MRC1: variants seen among roughly 807,000 people sequenced by gnomAD.
MRC1 encodes the protein mannose receptor C-type 1.
A neutral mutation model predicts 102.9 loss-of-function variants in MRC1; 62 were observed. That is an observed-to-expected ratio of 0.60 (90% CI 0.49 to 0.74). The LOEUF (loss-of-function observed/expected upper bound fraction) is 0.74, where lower values mean the gene tolerates loss of function less well. Ranked by LOEUF, MRC1 falls within the 30% of genes least tolerant of loss-of-function variation. The probability of loss-of-function intolerance (pLI) is 0.00; values close to 1 mark genes in which losing one functional copy is unlikely to be tolerated. For synonymous variants in MRC1, 457 were observed against 298.4 expected (o/e 1.53, Z -5.48); for missense variants, 1,237 against 862.8 (o/e 1.43, Z -5.43).
intron 3 of MRC1, among the ~76,000 whole-genome samples, chr10:17,828,040 A>C (rs1300057488): frequency 6.6e-6 from 1 of 152,092 alleles, no homozygotes; most frequent in Non-Finnish European, 1.5e-5. Flanking sequence ...CTGTACCCCC[A>C]TGGTCCCAAC....
chr10:17,858,010 C>A (rs1833120883), intron 9 of MRC1, among the ~76,000 whole-genome samples: 1 of 151,978 alleles, frequency 6.6e-6, no homozygotes, highest in African/African-American at 2.4e-5. Context: ...AGACTGAAAC[C>A]CCAAATTATA....
chr10:17,894,220 T>C lies in MRC1; in HGVS notation c.3158T>C (p.Val1053Ala), dbSNP rs1554843299. The C allele has an allele frequency of 1.1e-6, 1 of 872,574 alleles. No individual in the cohort carries two copies. The highest frequency in any genetic ancestry group is 2.0e-6 in the Non-Finnish European group (1 of 501,462). The allele number at this position is 872,574 out of a possible 1,614,324, so 54.1% of individuals were successfully genotyped here. ...TCCATAAATATACAGGCTGACTGTG[T>C]TGTTATTATTGGAGGTGCATCAAAT... is the stretch of plus-strand genomic sequence containing the variant. ...SSLSYEDADC[V>A]VIIGGASNEA... The change falls in exon 23 of 30, where the codon GTT becomes GCT. Residue 1053 changes from valine to alanine, a missense_variant. Physicochemically the swap from Val to Ala is moderately conservative, Grantham distance 64 (BLOSUM62 0). Coordinates refer to ENST00000569591, the MANE Select transcript of MRC1 (RefSeq NM_002438.4).
intron 1 of MRC1, among the ~76,000 whole-genome samples, chr10:17,815,285 T>A (rs1838293548): frequency 6.6e-6 from 1 of 152,152 alleles, no homozygotes; most frequent in East Asian, 1.9e-4. Context: ...AGCCAAATCC[T>A]AGAGCTCTGA....
Position 17,894,401 on chromosome 10 carries a change from T to TTTG in MRC1, c.3250+91_3250+92insGTT, listed in dbSNP as rs1833725062. ...TTCTTTCTTTCTTTCTTTCTTTTTTTTTTTTTTTTTTTTTTTGAGGCAGAG... is the reference window on the plus strand; with the variant it reads ...TTCTTTCTTTCTTTCTTTCTTTTTTTTTGTTTTTTTTTTTTTTTTGAGGCAGAG... On this transcript the variant is annotated intron_variant, in intron 23 of 29. Coordinates refer to ENST00000569591, the MANE Select transcript of MRC1 (RefSeq NM_002438.4). 1.3e-5 allele frequency: 9 copies of TTTG among 677,562 alleles called. No individual in the cohort carries two copies. The African/African-American group carries it at 1.6e-4, about 12-fold the overall frequency. The allele number at this position is 677,562 out of a possible 1,614,324, so 42.0% of individuals were successfully genotyped here.
intron 3 of MRC1, among the ~76,000 whole-genome samples, chr10:17,830,739 A>G (rs896719682): frequency 6.6e-6 from 1 of 151,434 alleles, no homozygotes; most frequent in African/African-American, 2.5e-5. Context: ...TAATTGAGAA[A>G]TATGTTTAAA....
At position 17,872,139 on chromosome 10, in the gene MRC1, C is replaced by T; in HGVS notation, c.2344+13C>T. On this transcript the variant is annotated intron_variant, in intron 15 of 29. Coordinates refer to ENST00000569591, the MANE Select transcript of MRC1 (RefSeq NM_002438.4). ...CAGATACAAAAAGGTATGATCACCT[C>T]TTCTCTCCTTTATCTCAGCTTGGTA... 3.8e-6 allele frequency: 3 copies of T among 780,476 alleles called. No homozygotes were observed. In the South Asian group the frequency reaches 4.0e-5, roughly 10 times the overall value. The allele number at this position is 780,476 out of a possible 1,614,324, so 48.3% of individuals were successfully genotyped here. A position where few individuals can be genotyped will look rare whatever the true frequency, so the allele number is the denominator to read the frequency against.
At chr10:17,844,810 T>C (rs1554840094) in intron 5 of MRC1, among the ~76,000 whole-genome samples, 1 of 152,140 alleles carries the variant, frequency 6.6e-6, no homozygotes, top group African/African-American at 2.4e-5. Flanking sequence ...AGCTCCCACT[T>C]AGAAGTGAGA....
At chr10:17,842,068 T>C (rs1838760285) in intron 5 of MRC1, among the ~76,000 whole-genome samples, 2 of 152,226 alleles carry the variant, frequency 1.3e-5, no homozygotes, top group African/African-American at 4.8e-5. Flanking sequence ...GCTCAAGTCA[T>C]TCTTGTGCCT....
chr10:17,903,748 T>C (rs1427266060), intron 26 of MRC1, among the ~76,000 whole-genome samples: 1 of 152,104 alleles, frequency 6.6e-6, no homozygotes, highest in Non-Finnish European at 1.5e-5. Flanking sequence ...TGGTTATTTC[T>C]TAGTGGTTGC....
chr10:17,829,470 A>G (rs1589167390), intron 3 of MRC1, among the ~76,000 whole-genome samples: 1 of 151,494 alleles, frequency 6.6e-6, no homozygotes. Flanking sequence ...TCATAGCGAC[A>G]CTGCTGCCTC....
intron 6 of MRC1, among the ~76,000 whole-genome samples, chr10:17,847,404 A>G (rs1838841967): frequency 1.3e-5 from 2 of 152,186 alleles, no homozygotes; most frequent in South Asian, 2.1e-4. Flanking sequence ...TTATTCCTCC[A>G]TGATGCCTTC....
At chr10:17,867,333 T>C (rs906436714) in intron 12 of MRC1, among the ~76,000 whole-genome samples, 6 of 145,988 alleles carry the variant, frequency 4.1e-5, no homozygotes, top group African/African-American at 1.0e-4. Context: ...CTTCTTCTTC[T>C]TCCTCCTCCT....
rs1833488141 is a variant in MRC1 at position 17,879,772 on chromosome 10, C to A, written c.2670C>A (p.Pro890=). 15 of 780,778 alleles carry A rather than the reference C, an allele frequency of 1.9e-5. 1 individual carries two copies. The South Asian group carries it at 2.0e-4, about 10-fold the overall frequency. 48.4% of individuals were successfully genotyped at this position (780,778 alleles called of 1,614,324 possible). ...ACGTGTCTTGGGCCACAGGTGAACC[C>A]AATTTTGCAAATGAAGATGAAAACT... is the stretch of plus-strand genomic sequence containing the variant. ...VDYVSWATGE[P]NFANEDENCV... is the part of the protein sequence containing the mutation. The change falls in exon 19 of 30, where the codon CCC becomes CCA. Residue 890 remains proline (P), a synonymous_variant. Transcript: ENST00000569591.
chr10:17,863,430 T>C, intron 10 of MRC1, 104 bp from the exon 11 acceptor site: 1 of 757,108 alleles, frequency 1.3e-6, no homozygotes, highest in Non-Finnish European at 2.5e-6. Context: ...ACCAGTTCAG[T>C]TATAGCTCAA....
At chr10:17,861,029 G>T (rs1833177096) in intron 9 of MRC1, among the ~76,000 whole-genome samples, 1 of 152,100 alleles carries the variant, frequency 6.6e-6, no homozygotes, top group African/African-American at 2.4e-5. Context: ...ATTTTCTAAG[G>T]CTGGGCACAG....
At chr10:17,839,612 C>A (rs1838720058) in intron 4 of MRC1, among the ~76,000 whole-genome samples, 1 of 151,850 alleles carries the variant, frequency 6.6e-6, no homozygotes, top group Non-Finnish European at 1.5e-5. Flanking sequence ...AGTTGGAGAG[C>A]AACCTGAGCA....
chr10:17,862,535 A>G (rs1350637603), intron 10 of MRC1, among the ~76,000 whole-genome samples: 3 of 152,086 alleles, frequency 2.0e-5, no homozygotes, highest in Non-Finnish European at 2.9e-5. Context: ...TGATTTCACT[A>G]TATTTTATAT....
rs1391270596 is a variant in MRC1 at position 17,814,127 on chromosome 10, C to T, written c.61+4601C>T. Among the ~76,000 whole-genome samples, 6 of 152,132 alleles carry T rather than the reference C, an allele frequency of 3.9e-5. No homozygotes were observed. In the South Asian group the frequency reaches 1.2e-3, roughly 31 times the overall value. On this transcript the variant is annotated intron_variant, in intron 1 of 29. Coordinates refer to ENST00000569591, the MANE Select transcript of MRC1 (RefSeq NM_002438.4). ...GCAGATGGGAAGATGTCATTGTGCACCTTTCCCTATGTGAGAAAGTTGAAG... is the reference window on the plus strand; with the variant it reads ...GCAGATGGGAAGATGTCATTGTGCATCTTTCCCTATGTGAGAAAGTTGAAG...
intron 1 of MRC1, among the ~76,000 whole-genome samples, chr10:17,813,660 T>TACACACAC (rs1336407911): frequency 1.6e-5 from 2 of 122,482 alleles, no homozygotes; most frequent in East Asian, 2.6e-4. Context: ...CATATATATA[T>TACACACAC]ATACACACAC....
Sources: gnomAD v4.1 joint callset for allele counts (sites outside exome capture counted in the v4.1 genomes callset) on GRCh38, gnomAD v4.1.1 for gene constraint, MANE v1.5 for transcripts, NCBI Gene and HGNC (gene_info 2026-07-23, HGNC 2026-07-21) for gene names.